The following CSMD1 variants were observed in gnomAD, a reference collection of about 807,000 sequenced individuals.
CSMD1 encodes CUB and Sushi multiple domains 1, also known as CUB and sushi domain-containing protein 1.
In CSMD1, 213 loss-of-function variants were observed where a neutral mutation model predicts 417.5. The ratio of observed to expected loss-of-function variants is 0.51; its 90% CI spans 0.46 to 0.57. The LOEUF is 0.57. Ranked by LOEUF, CSMD1 falls within the 20% of genes least tolerant of loss-of-function variation. CSMD1 has a pLI of 0.00. For synonymous variants in CSMD1, 2,862 were observed against 1,736.8 expected, an observed-to-expected ratio of 1.65 and a Z score of -16.11; for missense variants, 6,923 against 4,529.7, an observed-to-expected ratio of 1.53 and a Z score of -15.17.
chr8:4,992,440 G>C (rs936992793), intron 1 of CSMD1, among the ~76,000 whole-genome samples: 2 of 152,212 alleles, frequency 1.3e-5, no homozygotes, highest in Non-Finnish European at 2.9e-5. Flanking sequence ...TGCCTGCCTG[G>C]AAAGGAGGAA....
intron 7 of CSMD1, among the ~76,000 whole-genome samples, chr8:3,631,732 G>C (rs1173892692): frequency 1.3e-5 from 2 of 152,218 alleles, no homozygotes; most frequent in Non-Finnish European, 2.9e-5. Flanking sequence ...AACTCTCTGA[G>C]AATAGCATTT....
chr8:3,039,316 TCC>T (rs1234103299), intron 50 of CSMD1, among the ~76,000 whole-genome samples: 1 of 147,912 alleles, frequency 6.8e-6, no homozygotes, highest in East Asian at 2.1e-4. Context: ...CTCCCTCCCT[TCC>T]TTCTTTTCCT....
intron 3 of CSMD1, among the ~76,000 whole-genome samples, chr8:4,206,560 C>T (rs1799993922): frequency 1.3e-5 from 2 of 152,080 alleles, no homozygotes; most frequent in African/African-American, 4.8e-5. Context: ...GTATATGTGC[C>T]ACATTTTCTT....
chr8:3,033,726 C>T (rs749927057), intron 50 of CSMD1, among the ~76,000 whole-genome samples: 1 of 152,036 alleles, frequency 6.6e-6, no homozygotes, highest in Non-Finnish European at 1.5e-5. Flanking sequence ...TGTAACAAAC[C>T]TGTATGTTCT....
chr8:3,249,322 T>C (rs1272140397), intron 26 of CSMD1, among the ~76,000 whole-genome samples: 1 of 152,100 alleles, frequency 6.6e-6, no homozygotes, highest in African/African-American at 2.4e-5. Flanking sequence ...CCTGGGTTCA[T>C]GTGATTCTCA....
rs117429733 is a variant in CSMD1 at position 3,950,816 on chromosome 8, G to C, written c.818+47087C>G. ...ATATTCTTCGGTCATAATAGGTTTAGTATATTAAAATACTGTGCTAAGTAG... is the reference window on the plus strand; with the variant it reads ...ATATTCTTCGGTCATAATAGGTTTACTATATTAAAATACTGTGCTAAGTAG... On this transcript the variant is annotated intron_variant, in intron 5 of 69. Coordinates refer to ENST00000635120, the MANE Select transcript of CSMD1 (RefSeq NM_033225.6). Among the ~76,000 whole-genome samples, 360 of 152,042 alleles carry C rather than the reference G, an allele frequency of 2.4e-3. 15 individuals are homozygous for C. The East Asian group carries it at 0.063, about 27-fold the overall frequency.
At chr8:4,629,883 C>A (rs1476335054) in intron 2 of CSMD1, among the ~76,000 whole-genome samples, 1 of 152,124 alleles carries the variant, frequency 6.6e-6, no homozygotes, top group East Asian at 1.9e-4. Context: ...TTGTGTAAAT[C>A]TGAATGCTTT....
At chr8:3,042,358 A>C (rs1014936765) in intron 50 of CSMD1, among the ~76,000 whole-genome samples, 6 of 152,134 alleles carry the variant, frequency 3.9e-5, no homozygotes, top group African/African-American at 1.4e-4. Flanking sequence ...ACAGCCTCAG[A>C]AGAGAGAGGT....
At chr8:3,459,121 C>T (rs1816335046) in intron 12 of CSMD1, among the ~76,000 whole-genome samples, 1 of 152,214 alleles carries the variant, frequency 6.6e-6, no homozygotes, top group Admixed American at 6.5e-5. Context: ...CAGCATGCTA[C>T]ACTGTGCTAC....
rs138303781 is a variant in CSMD1 at position 4,365,770 on chromosome 8, T to G, written c.415+54183A>C. Reference sequence around the variant, plus strand: ...TAGCTGACTCCGGTGACCGAATTTATAGTCAAGTCCTGATTACTCTTGGCA... The same window carrying G: ...TAGCTGACTCCGGTGACCGAATTTAGAGTCAAGTCCTGATTACTCTTGGCA... On this transcript the variant is annotated intron_variant, in intron 3 of 69. Transcript: ENST00000635120. Among the ~76,000 whole-genome samples the G allele has an allele frequency of 3.5e-4, 53 of 152,316 alleles. 1 individual carries two copies. The highest frequency in any genetic ancestry group is 1.2e-3 in the African/African-American group (51 of 41,568).
chr8:3,269,083 T>G (rs1045694798), intron 26 of CSMD1, among the ~76,000 whole-genome samples: 5 of 152,236 alleles, frequency 3.3e-5, no homozygotes, highest in African/African-American at 1.2e-4. Flanking sequence ...GCTAAAATCC[T>G]GTCATCCCCC....
At chr8:3,652,145 GCGC>G (rs1797889536) in intron 7 of CSMD1, among the ~76,000 whole-genome samples, 1 of 132,886 alleles carries the variant, frequency 7.5e-6, no homozygotes. Context: ...CACCATCAGA[GCGC>G]TTACCACCAT....
intron 5 of CSMD1, among the ~76,000 whole-genome samples, chr8:3,898,422 A>G (rs2129131890): frequency 6.6e-6 from 1 of 152,230 alleles, no homozygotes; most frequent in East Asian, 1.9e-4. Context: ...ATAAAGTGTT[A>G]AAGTTTGTGT....
intron 1 of CSMD1, among the ~76,000 whole-genome samples, chr8:4,872,903 C>G (rs142012018): frequency 8.5e-4 from 129 of 152,058 alleles, no homozygotes; most frequent in African/African-American, 3.0e-3. Context: ...TGTGCGATGT[C>G]TGAATTTTTT....
chr8:3,403,276 G>A (rs7005990), intron 15 of CSMD1, among the ~76,000 whole-genome samples: 79,641 of 152,008 alleles, frequency 0.52, 21,104 homozygotes, highest in Middle Eastern at 0.61. Context: ...TTTGTTATCT[G>A]TATTACTCAC....
At chr8:3,477,641 A>G (rs1817508529) in intron 11 of CSMD1, among the ~76,000 whole-genome samples, 1 of 152,220 alleles carries the variant, frequency 6.6e-6, no homozygotes, top group Non-Finnish European at 1.5e-5. Flanking sequence ...GCAGCTGCAA[A>G]GCAGCCAGGG....
At chr8:4,060,509 AAAAC>A (rs1446409280) in intron 3 of CSMD1, among the ~76,000 whole-genome samples, 2 of 152,196 alleles carry the variant, frequency 1.3e-5, no homozygotes, top group Non-Finnish European at 2.9e-5. Flanking sequence ...TTAGAATAGA[AAAAC>A]AAAGGGGATG....
intron 5 of CSMD1, among the ~76,000 whole-genome samples, chr8:3,863,547 T>A (rs1390433758): frequency 6.6e-6 from 1 of 152,116 alleles, no homozygotes; most frequent in Non-Finnish European, 1.5e-5. Flanking sequence ...GACACCAACA[T>A]TCAGACCACA....
chr8:3,254,737 C>A (rs918699380), intron 26 of CSMD1, among the ~76,000 whole-genome samples: 1 of 152,112 alleles, frequency 6.6e-6, no homozygotes, highest in African/African-American at 2.4e-5. Context: ...CCTTTAAGGA[C>A]TTCTGTGCAT....
Sources: gnomAD v4.1 joint callset for allele counts (sites outside exome capture counted in the v4.1 genomes callset) on GRCh38, gnomAD v4.1.1 for gene constraint, MANE v1.5 for transcripts, NCBI Gene and HGNC (gene_info 2026-07-23, HGNC 2026-07-21) for gene names.